CIT: variants seen among roughly 807,000 people sequenced by gnomAD.
CIT encodes the protein citron rho-interacting serine/threonine kinase, also known as citron Rho-interacting kinase.
CIT carries 79 observed loss-of-function variants against 272.7 expected under a neutral mutation model. The ratio of observed to expected loss-of-function variants is 0.29; its 90% CI spans 0.24 to 0.35. CIT has a LOEUF of 0.35. Ranked by LOEUF, CIT falls within the 10% of genes least tolerant of loss-of-function variation. The pLI is 1.00. For synonymous variants in CIT, 948 were observed against 995.6 expected (o/e 0.95, Z 0.90); for missense variants, 1,909 against 2,618.3 (o/e 0.73, Z 5.91).
intron 26 of CIT, among the ~76,000 whole-genome samples, chr12:119,733,834 T>G (rs974073353): frequency 6.6e-6 from 1 of 152,142 alleles, no homozygotes; most frequent in African/African-American, 2.4e-5. Context: ...GGTTTTGCTA[T>G]GGCCTTGCTA....
chr12:119,862,447 T>C (rs1052613897), intron 3 of CIT, among the ~76,000 whole-genome samples: 16 of 152,100 alleles, frequency 1.1e-4, no homozygotes, highest in Non-Finnish European at 1.6e-4. Flanking sequence ...TGTGATGTGC[T>C]ATATTCTAAA....
At position 119,728,201 on chromosome 12, in the gene CIT, T is replaced by A. The variant is rs1461032588; in HGVS notation, c.3591+301A>T. ...ATGATACAGTAAAGGTGGATAACTG[T>A]CATTACACATTTGTCAAAACCCATA... On this transcript the variant is annotated intron_variant, in intron 28 of 47. Coordinates refer to ENST00000392521, the MANE Select transcript of CIT (RefSeq NM_001206999.2). This position sits in a 1 kb window ranked among gnomAD's most constrained non-coding sequence, Gnocchi z 4.3. Among the ~76,000 whole-genome samples, 8 of 152,168 alleles carry A rather than the reference T, an allele frequency of 5.3e-5. No individual in the cohort carries two copies. Among genetic ancestry groups the A allele is most frequent in the African/African-American group, 1.9e-4 (8 of 41,432 alleles).
chr12:119,811,461 T>C (rs1284011437), intron 9 of CIT, among the ~76,000 whole-genome samples: 1 of 152,216 alleles, frequency 6.6e-6, no homozygotes, highest in African/African-American at 2.4e-5. Context: ...ATTTTTACAA[T>C]GCTGTCTTTA....
chr12:119,776,756 G>C lies in CIT; in HGVS notation c.1752C>G (p.Leu584=). 1 of 1,614,074 alleles carries C rather than the reference G, an allele frequency of 6.2e-7. No individual in the cohort carries two copies. Among genetic ancestry groups the C allele is most frequent in the Non-Finnish European group, 8.5e-7 (1 of 1,180,032 alleles). Residue 584 remains leucine (L), a synonymous_variant, in exon 14 of 48, where the codon CTC becomes CTG. Coordinates refer to ENST00000392521, the MANE Select transcript of CIT (RefSeq NM_001206999.2). Reference sequence around the variant, plus strand: ...GAGACTCTCTCAGCTCAGATTCGTAGAGATCACTCCGTCTTCTTGCTGAGA... The same window carrying C: ...GAGACTCTCTCAGCTCAGATTCGTACAGATCACTCCGTCTTCTTGCTGAGA... The part of the protein sequence containing the change: ...DLVSARRRSD[L]YESELRESRL...
chr12:119,869,796 T>A (rs1411466259), intron 2 of CIT, among the ~76,000 whole-genome samples: 2 of 152,202 alleles, frequency 1.3e-5, no homozygotes, highest in Non-Finnish European at 2.9e-5. Flanking sequence ...AATCAGGAGA[T>A]TCCATACAAA....
intron 13 of CIT, among the ~76,000 whole-genome samples, chr12:119,779,228 T>G (rs1964067174): frequency 1.3e-5 from 2 of 151,918 alleles, no homozygotes; most frequent in Non-Finnish European, 2.9e-5. Flanking sequence ...TCAAATTAAT[T>G]AATTAATTAA....
intron 5 of CIT, among the ~76,000 whole-genome samples, chr12:119,844,724 A>G (rs1566117430): frequency 1.3e-5 from 2 of 152,220 alleles, no homozygotes; most frequent in Non-Finnish European, 2.9e-5. Flanking sequence ...ACAAAATCCC[A>G]TCAGTAATAC....
In CIT at chr12:119,734,094, T is replaced by C. The variant is rs754568154; in HGVS notation, c.3350+70A>G. On this transcript the variant is annotated intron_variant, in intron 26 of 47. Coordinates refer to ENST00000392521, the MANE Select transcript of CIT (RefSeq NM_001206999.2). ...TCTCGGCGGGAATAGCTGATCACCC[T>C]GTCCACAACTCTCAGGCCGATCCTC... is the stretch of plus-strand genomic sequence containing the variant. The C allele has an allele frequency of 9.2e-4, 1,383 of 1,502,744 alleles. 2 individuals carry two copies. The highest frequency in any genetic ancestry group is 1.1e-3 in the Non-Finnish European group (1,259 of 1,103,846). 93.1% of individuals were successfully genotyped at this position (1,502,744 alleles called of 1,614,324 possible).
chr12:119,834,170 T>C lies in CIT; in HGVS notation c.575A>G (p.Gln192Arg). The C allele has an allele frequency of 8.1e-6, 13 of 1,614,034 alleles. No individual in the cohort carries two copies. Among genetic ancestry groups the C allele is most frequent in the Non-Finnish European group, 1.0e-5 (12 of 1,179,898 alleles). Reference sequence around the variant, plus strand: ...AAACTGTATCAGGTTTTCATCTAACTGGTCCTCATATCTATTCAAAAGTGA... The same window carrying C: ...AAACTGTATCAGGTTTTCATCTAACCGGTCCTCATATCTATTCAAAAGTGA... The part of the protein sequence containing the change: ...LLSLLNRYED[Q>R]LDENLIQFYL... Residue 192 changes from glutamine (Q) to arginine (R), a missense_variant, in exon 6 of 48, where the codon CAG becomes CGG. By Grantham distance (43) the Gln-to-Arg change is conservative. Coordinates refer to ENST00000392521, the MANE Select transcript of CIT (RefSeq NM_001206999.2).
At chr12:119,735,079 C>T in intron 25 of CIT, 81 bp downstream of exon 25, 1 of 1,359,304 alleles carries the variant, frequency 7.4e-7, no homozygotes, top group Non-Finnish European at 1.0e-6. Context: ...GTGTTGGAAC[C>T]CTTGGGAGAA....
intron 23 of CIT, among the ~76,000 whole-genome samples, chr12:119,746,952 A>G (rs1959505916): frequency 6.6e-6 from 1 of 152,248 alleles, no homozygotes. Flanking sequence ...AATAGAATAT[A>G]TACATAAAGA....
At chr12:119,822,447 A>G (rs561319763) in intron 9 of CIT, among the ~76,000 whole-genome samples, 1 of 152,350 alleles carries the variant, frequency 6.6e-6, no homozygotes, top group South Asian at 2.1e-4. Flanking sequence ...CAACCTGGGC[A>G]TGTTGCCTAA....
Position 119,721,490 on chromosome 12 carries a change from A to G in CIT, c.3592-41T>C, listed in dbSNP as rs770617040. 3 of 1,539,762 alleles carry G rather than the reference A, an allele frequency of 1.9e-6. No homozygotes were observed. The African/African-American group carries it at 4.1e-5, about 21-fold the overall frequency. On this transcript the variant is annotated intron_variant, in intron 28 of 47. Coordinates refer to ENST00000392521, the MANE Select transcript of CIT (RefSeq NM_001206999.2). ...GCCAGGGAAATGCTTGATACTGCAC[A>G]CAATACAATTTGTTCCCCTGCTGTT...
chr12:119,757,075 G>A (rs536945543), intron 22 of CIT, among the ~76,000 whole-genome samples: 1 of 148,162 alleles, frequency 6.7e-6, no homozygotes, highest in African/African-American at 2.5e-5. Flanking sequence ...AACCAAGATC[G>A]CACCACTGCA....
At position 119,735,204 on chromosome 12, in the gene CIT, G is replaced by A. The variant is rs771984153; in HGVS notation, c.3112C>T (p.Arg1038Trp). The A allele has an allele frequency of 8.7e-6, 14 of 1,613,916 alleles. No homozygotes were observed. Among genetic ancestry groups the A allele is most frequent in the African/African-American group, 2.7e-5 (2 of 74,854 alleles). ...TGCATCTCTCGTTCCGTGATCTCCC[G>A]GCGGAGATGGTCCACTTCACTTCGC... is the stretch of plus-strand genomic sequence containing the variant. ...QLRSEVDHLR[R>W]EITEREMQLT... is the part of the protein sequence containing the mutation. The change falls in exon 25 of 48, where the codon CGG becomes TGG. Residue 1038 changes from arginine (R) to tryptophan (W), a missense_variant. By Grantham distance (101) the Arg-to-Trp change is moderately radical. This residue lies in a region of CIT where 530 missense variants were observed against 822.4 expected (regional missense o/e 0.64). Transcript: ENST00000392521.
intron 20 of CIT, among the ~76,000 whole-genome samples, chr12:119,759,127 C>A (rs768224502): frequency 6.6e-6 from 1 of 152,206 alleles, no homozygotes; most frequent in Non-Finnish European, 1.5e-5. Context: ...GCTCTAGACT[C>A]CACAGCAGGG....
At position 119,736,252 on chromosome 12, in the gene CIT, A is replaced by T. The variant is rs535839796; in HGVS notation, c.2959-895T>A. On this transcript the variant is annotated intron_variant, in intron 24 of 47. Transcript: ENST00000392521. ...AAATTTTACGTAACAAAAAGAAGGA[A>T]ATTAAAAGGAAATGCCGTTAAGCCT... Among the ~76,000 whole-genome samples, 7 of 152,286 alleles carry T rather than the reference A, an allele frequency of 4.6e-5. No individual in the cohort carries two copies. In the South Asian group the frequency reaches 1.2e-3, roughly 27 times the overall value.
chr12:119,701,382 A>C (rs1282347090), intron 43 of CIT, among the ~76,000 whole-genome samples: 1 of 152,108 alleles, frequency 6.6e-6, no homozygotes, highest in African/African-American at 2.4e-5. Context: ...AAAGAAAGGC[A>C]AGGGATGGAT....
intron 29 of CIT, 122 bp downstream of exon 29, chr12:119,721,187 G>A (rs1957800746): frequency 3.9e-6 from 3 of 771,242 alleles, no homozygotes; most frequent in South Asian, 6.3e-5. Context: ...GGCTGGTCTC[G>A]AACTCCTGAC....
Sources: allele counts gnomAD v4.1 joint callset (sites outside exome capture counted in the v4.1 genomes callset), GRCh38; gene constraint gnomAD v4.1.1; regional missense constraint gnomAD v4.1.1; non-coding constraint Gnocchi (gnomAD v3.1); transcripts MANE v1.5; gene names NCBI Gene and HGNC (gene_info 2026-07-23, HGNC 2026-07-21).